ITSN1: variants seen among roughly 807,000 people sequenced by gnomAD.
The protein encoded by ITSN1 is intersectin-1.
A neutral mutation model predicts 239.8 loss-of-function variants in ITSN1; 58 were observed. The ratio of observed to expected loss-of-function variants is 0.24; its 90% CI spans 0.20 to 0.30. ITSN1 has a LOEUF of 0.30. Ranked by LOEUF, ITSN1 falls within the 10% of genes least tolerant of loss-of-function variation. ITSN1 has a pLI of 1.00. For synonymous variants in ITSN1, 780 were observed against 770.8 expected (o/e 1.01, Z -0.20); for missense variants, 1,558 against 2,103.3 (o/e 0.74, Z 5.07).
In ITSN1 at chr21:33,721,227, T is replaced by A. The variant is rs1345761302; in HGVS notation, c.78T>A (p.Asp26Glu). 1 of 1,613,624 alleles carries A rather than the reference T, an allele frequency of 6.2e-7. No individual in the cohort carries two copies. Among genetic ancestry groups the A allele is most frequent in the East Asian group, 2.2e-5 (1 of 44,868 alleles). ...CTGTAGAGGAAAGAGCGAAGCATGA[T>A]CAGCAGTTCCATAGTTTAAAGCCAA... is the stretch of plus-strand genomic sequence containing the variant. ...AITVEERAKH[D>E]QQFHSLKPIS... Residue 26 changes from aspartate to glutamate, a missense_variant, in exon 3 of 40, where the codon GAT (aspartate) becomes GAA (glutamate). Physicochemically the swap from Asp to Glu is conservative, Grantham distance 45. Transcript: ENST00000381318.
chr21:33,684,127 A>G (rs1210931906), intron 1 of ITSN1, among the ~76,000 whole-genome samples: 8 of 152,182 alleles, frequency 5.3e-5, no homozygotes, highest in Non-Finnish European at 8.8e-5. Context: ...TTAATTCTGT[A>G]TAAGTAGAAT....
At chr21:33,784,310 AACACACACACACACACACACACACAC>A (rs58496273) in intron 16 of ITSN1, among the ~76,000 whole-genome samples, 1 of 134,110 alleles carries the variant, frequency 7.5e-6, no homozygotes, top group Non-Finnish European at 1.6e-5. Flanking sequence ...GTCTCTACAA[AACACACACACACACACACACACACAC>A]ACACACACAC....
intron 17 of ITSN1, among the ~76,000 whole-genome samples, chr21:33,795,476 C>T (rs898464091): frequency 5.9e-5 from 9 of 152,054 alleles, no homozygotes; most frequent in Admixed American, 3.9e-4. Flanking sequence ...GGCGAAGAAA[C>T]GGATACTTGA....
At chr21:33,680,821 A>G (rs551001727) in intron 1 of ITSN1, among the ~76,000 whole-genome samples, 1 of 152,244 alleles carries the variant, frequency 6.6e-6, no homozygotes, top group Non-Finnish European at 1.5e-5. Context: ...AACCAGAGTC[A>G]GCACAGCCAG....
chr21:33,644,055 G>A (rs1209181921), intron 1 of ITSN1: 1 of 152,196 alleles, frequency 6.6e-6, no homozygotes, highest in African/African-American at 2.4e-5. Flanking sequence ...AATATGAATA[G>A]GAGGAATGTA....
chr21:33,825,373 A>G (rs766234139), intron 25 of ITSN1, among the ~76,000 whole-genome samples: 4 of 152,210 alleles, frequency 2.6e-5, no homozygotes, highest in South Asian at 2.1e-4. Flanking sequence ...CTACTTGAAT[A>G]CAGAATTCAG....
intron 1 of ITSN1, among the ~76,000 whole-genome samples, chr21:33,652,414 G>A (rs2146139531): frequency 6.6e-6 from 1 of 152,206 alleles, no homozygotes; most frequent in East Asian, 1.9e-4. Flanking sequence ...TGTAGCCTCA[G>A]GTACGTACAG....
At position 33,888,382 on chromosome 21, in the gene ITSN1, A is replaced by C; in HGVS notation, c.*82A>C. 1 of 1,395,254 alleles carries C rather than the reference A, an allele frequency of 7.2e-7. No homozygotes were observed. The highest frequency in any genetic ancestry group is 9.7e-7 in the Non-Finnish European group (1 of 1,030,898). The allele number at this position is 1,395,254 out of a possible 1,614,324, so 86.4% of individuals were successfully genotyped here. On this transcript the variant is annotated 3_prime_UTR_variant, in exon 40 of 40. Transcript: ENST00000381318. Reference sequence around the variant, plus strand: ...TGGAAATTGTATTCCTTTTCTAAGAAACCACCATTTGGTATTCAGTCACAG... The same window carrying C: ...TGGAAATTGTATTCCTTTTCTAAGACACCACCATTTGGTATTCAGTCACAG...
At chr21:33,668,633 T>C (rs2090072486) in intron 1 of ITSN1, among the ~76,000 whole-genome samples, 3 of 152,204 alleles carry the variant, frequency 2.0e-5, no homozygotes, top group African/African-American at 7.2e-5. Flanking sequence ...GTGTTAAAGA[T>C]TAGGCCTTCT....
chr21:33,821,736 T>C (rs1188343806), intron 24 of ITSN1, among the ~76,000 whole-genome samples: 1 of 152,216 alleles, frequency 6.6e-6, no homozygotes, highest in Admixed American at 6.5e-5. Flanking sequence ...TTTCTGAAGT[T>C]TCTTAAGCAT....
chr21:33,825,196 A>G (rs1435311814), intron 25 of ITSN1, among the ~76,000 whole-genome samples: 10 of 152,222 alleles, frequency 6.6e-5, no homozygotes, highest in Admixed American at 5.2e-4. Flanking sequence ...GAAAACACAC[A>G]GTGACTTTTT....
At chr21:33,774,113 A>T (rs2069400217) in intron 12 of ITSN1, among the ~76,000 whole-genome samples, 1 of 152,228 alleles carries the variant, frequency 6.6e-6, no homozygotes, top group Non-Finnish European at 1.5e-5. Flanking sequence ...TTTAATAGAC[A>T]TTTACCATGT....
chr21:33,866,204 G>A (rs1440267172), intron 32 of ITSN1, among the ~76,000 whole-genome samples: 1 of 152,192 alleles, frequency 6.6e-6, no homozygotes, highest in Non-Finnish European at 1.5e-5. Context: ...CCTCATGTGA[G>A]CTTGTTGTTT....
rs1156647834 is a variant in ITSN1, at chr21:33,894,068, C to G, written c.*5768C>G. ...CTGGTCCAGGCCACCCTCCTAGAAG[C>G]TGGGCGGCAGCTGGACGGGCCTGCC... On this transcript the variant is annotated 3_prime_UTR_variant, in exon 40 of 40. Transcript: ENST00000381318. The G allele has an allele frequency of 6.6e-6, 1 of 152,248 alleles. No homozygotes were observed. The highest frequency in any genetic ancestry group is 1.5e-5 in the Non-Finnish European group (1 of 68,046). The allele number at this position is 152,248 out of a possible 1,614,324, so 9.4% of individuals were successfully genotyped here. A position where few individuals can be genotyped will look rare whatever the true frequency, so the allele number is the denominator to read the frequency against.
intron 33 of ITSN1, among the ~76,000 whole-genome samples, chr21:33,870,044 C>T (rs143305632): frequency 6.6e-6 from 1 of 152,258 alleles, no homozygotes; most frequent in East Asian, 1.9e-4. Flanking sequence ...TCTCATTATC[C>T]TCAATGTGTT....
At chr21:33,676,530 T>G (rs750160138) in intron 1 of ITSN1, among the ~76,000 whole-genome samples, 16 of 152,204 alleles carry the variant, frequency 1.1e-4, no homozygotes, top group Non-Finnish European at 1.5e-4. Context: ...GCCCAGCCTC[T>G]GCCACACTTC....
At chr21:33,850,359 G>A (rs1051021347) in intron 29 of ITSN1, among the ~76,000 whole-genome samples, 1 of 152,190 alleles carries the variant, frequency 6.6e-6, no homozygotes. Flanking sequence ...CTGGACCCAC[G>A]AGGGTCTCTG....
intron 1 of ITSN1, among the ~76,000 whole-genome samples, chr21:33,644,404 C>A (rs2087733639): frequency 6.6e-6 from 1 of 152,030 alleles, no homozygotes. Context: ...CAGTGGAGAT[C>A]ATTTCTGATA....
At chr21:33,818,574 T>A in intron 23 of ITSN1, 102 bp downstream of exon 23, 1 of 1,048,270 alleles carries the variant, frequency 9.5e-7, no homozygotes, top group South Asian at 1.4e-5. Context: ...GCGGGATTAG[T>A]TTGTCTTCTA....
Sources: gnomAD v4.1 joint callset for allele counts (sites outside exome capture counted in the v4.1 genomes callset) on GRCh38, gnomAD v4.1.1 for gene constraint, MANE v1.5 for transcripts, NCBI Gene and HGNC (gene_info 2026-07-23, HGNC 2026-07-21) for gene names.